Variants in PRKAB1 observed in about 807,000 individuals in gnomAD.
PRKAB1 encodes the protein protein kinase AMP-activated non-catalytic subunit beta 1.
Under a neutral mutation model 32.0 loss-of-function variants are expected in PRKAB1, and 18 were observed. That is an observed-to-expected ratio of 0.56 (90% CI 0.39 to 0.83). PRKAB1 has a LOEUF of 0.83. Among genes scored for constraint, PRKAB1 ranks in the 40% least tolerant of loss-of-function variants. PRKAB1 has a pLI of 0.00. For missense variants in PRKAB1, 263 were observed against 352.6 expected, an observed-to-expected ratio of 0.75 and a Z score of 2.03; for synonymous variants, 141 against 141.4, an observed-to-expected ratio of 1.00 and a Z score of 0.02.
rs1181973101 is a variant in PRKAB1 at position 119,679,730 on chromosome 12, C to A, written c.667-203C>A. The A allele has an allele frequency of 1.7e-6, 1 of 586,468 alleles. No homozygotes were observed. Among genetic ancestry groups the A allele is most frequent in the Non-Finnish European group, 3.1e-6 (1 of 322,868 alleles). The allele number at this position is 586,468 out of a possible 1,614,324, so 36.3% of individuals were successfully genotyped here. A position where few individuals can be genotyped will look rare whatever the true frequency, so the allele number is the denominator to read the frequency against. On this transcript the variant is annotated intron_variant, in intron 5 of 6. Transcript: ENST00000229328. The surrounding 1 kb of genome is among the most constrained non-coding windows in gnomAD (Gnocchi z 4.1). ...GACACACACCGATGCCTCCAGCAGG[C>A]ATGCAGGGAGCTCCCTTCAGGTCAG...
chr12:119,678,056 G>A, intron 5 of PRKAB1: 1 of 152,366 alleles, frequency 6.6e-6, no homozygotes, highest in Non-Finnish European at 1.5e-5. Context: ...GAACCACCGT[G>A]CCTGGCCAGG....
intron 1 of PRKAB1, among the ~76,000 whole-genome samples, chr12:119,669,204 T>C (rs1955365729): frequency 6.6e-6 from 1 of 152,022 alleles, no homozygotes; most frequent in Admixed American, 6.6e-5. Flanking sequence ...CAAGCAATCT[T>C]TATGCCTTGG....
chr12:119,677,297 G>A (rs1036799794), intron 5 of PRKAB1: 1 of 152,230 alleles, frequency 6.6e-6, no homozygotes, highest in Non-Finnish European at 1.5e-5. Flanking sequence ...CATTGTTTAC[G>A]AGGTGCTTAA....
Position 119,679,810 on chromosome 12 carries a change from T to G in PRKAB1, c.667-123T>G. On this transcript the variant is annotated intron_variant, in intron 5 of 6. Coordinates refer to ENST00000229328, the MANE Select transcript of PRKAB1 (RefSeq NM_006253.5). This position sits in a 1 kb window ranked among gnomAD's most constrained non-coding sequence, Gnocchi z 4.1. Reference sequence around the variant, plus strand: ...TTGGACAAGCCCTTGCGCTGCCTGATTTGGGAAGAGAGGTCGGCCTGAGCG... The same window carrying G: ...TTGGACAAGCCCTTGCGCTGCCTGAGTTGGGAAGAGAGGTCGGCCTGAGCG... 1 of 1,048,612 alleles carries G rather than the reference T, an allele frequency of 9.5e-7. No individual in the cohort carries two copies. Among genetic ancestry groups the G allele is most frequent in the Non-Finnish European group, 1.5e-6 (1 of 679,514 alleles). The allele number at this position is 1,048,612 out of a possible 1,614,324, so 65.0% of individuals were successfully genotyped here.
In PRKAB1 at chr12:119,679,875, G is replaced by A. The variant is rs1248575375; in HGVS notation, c.667-58G>A. On this transcript the variant is annotated intron_variant, in intron 5 of 6. Transcript: ENST00000229328. The surrounding 1 kb of genome is among the most constrained non-coding windows in gnomAD (Gnocchi z 4.1). ...TTGATATCTGGCACTGGGAAGTAAA[G>A]GGGAGAATCTTGGTTTCCAAATCCC... The A allele has an allele frequency of 1.9e-6, 3 of 1,552,786 alleles. No homozygotes were observed. The highest frequency in any genetic ancestry group is 2.7e-6 in the Non-Finnish European group (3 of 1,124,682).
chr12:119,673,346 T>G lies in PRKAB1; in HGVS notation c.324-618T>G, dbSNP rs189731000. Among the ~76,000 whole-genome samples, 11 of 152,336 alleles carry G rather than the reference T, an allele frequency of 7.2e-5. No individual in the cohort carries two copies. In the East Asian group the frequency reaches 2.1e-3, roughly 29 times the overall value. The stretch of plus-strand genomic sequence containing the variant: ...CTTAAGTTGTCAGTGAGAGAACACC[T>G]TTAGTGAGTATTCTTGATAAAATGA... On this transcript the variant is annotated intron_variant, in intron 2 of 6. Transcript: ENST00000229328.
Position 119,674,035 on chromosome 12 carries a change from A to G in PRKAB1, c.395A>G (p.Gln132Arg). Residue 132 changes from glutamine to arginine, a missense_variant, in exon 3 of 7, where the codon CAG (glutamine) becomes CGG (arginine). Coordinates refer to ENST00000229328, the MANE Select transcript of PRKAB1 (RefSeq NM_006253.5). The surrounding 1 kb of genome is among the most constrained non-coding windows in gnomAD (Gnocchi z 4.3). ...CAGTACAAGTTCTTTGTGGATGGTC[A>G]GTGGACGCACGACCCTTCCGAGGTA... ...EHQYKFFVDG[Q>R]WTHDPSEPIV... 6.2e-7 allele frequency: 1 copy of G among 1,613,930 alleles called. No homozygotes were observed. The highest frequency in any genetic ancestry group is 8.5e-7 in the Non-Finnish European group (1 of 1,179,880).
chr12:119,679,644 C>T lies in PRKAB1; in HGVS notation c.667-289C>T. On this transcript the variant is annotated intron_variant, in intron 5 of 6. Transcript: ENST00000229328. The surrounding 1 kb of genome is among the most constrained non-coding windows in gnomAD (Gnocchi z 4.1). ...AGCTGCTTTCTTCCTGCCCCACCCTCCATAAGAGGACAGGGCCGTGGCCCA... is the reference window on the plus strand; with the variant it reads ...AGCTGCTTTCTTCCTGCCCCACCCTTCATAAGAGGACAGGGCCGTGGCCCA... The T allele has an allele frequency of 9.1e-6, 4 of 439,042 alleles. No homozygotes were observed. The highest frequency in any genetic ancestry group is 6.4e-5 in the South Asian group (3 of 47,236). 27.2% of individuals were successfully genotyped at this position (439,042 alleles called of 1,614,324 possible).
At chr12:119,668,551 C>A in intron 1 of PRKAB1, 148 bp downstream of exon 1, 1 of 1,120,128 alleles carries the variant, frequency 8.9e-7, no homozygotes, top group Non-Finnish European at 1.3e-6. Context: ...CCAGATGGTC[C>A]TGTAAGAGTT....
At chr12:119,669,199 A>T (rs1955365678) in intron 1 of PRKAB1, among the ~76,000 whole-genome samples, 1 of 151,892 alleles carries the variant, frequency 6.6e-6, no homozygotes, top group Non-Finnish European at 1.5e-5. Context: ...GGGTTCAAGC[A>T]ATCTTTATGC....
Position 119,674,371 on chromosome 12 carries a change from A to G in PRKAB1, c.449A>G (p.Asn150Ser). 6.2e-7 allele frequency: 1 copy of G among 1,614,142 alleles called. No individual in the cohort carries two copies. Among genetic ancestry groups the G allele is most frequent in the Non-Finnish European group, 8.5e-7 (1 of 1,179,946 alleles). The part of the protein sequence containing the change: ...PIVTSQLGTV[N>S]NIIQVKKTDF... ...GTAACCAGCCAGCTTGGCACAGTTAACAACATCATTCAAGTGAAGAAAACT... is the reference window on the plus strand; with the variant it reads ...GTAACCAGCCAGCTTGGCACAGTTAGCAACATCATTCAAGTGAAGAAAACT... The change falls in exon 4 of 7, where the codon AAC (asparagine) becomes AGC (serine). Residue 150 changes from asparagine to serine, a missense_variant. Physicochemically the swap from Asn to Ser is conservative, Grantham distance 46. Coordinates refer to ENST00000229328, the MANE Select transcript of PRKAB1 (RefSeq NM_006253.5). The surrounding 1 kb of genome is among the most constrained non-coding windows in gnomAD (Gnocchi z 4.3).
chr12:119,674,938 C>T lies in PRKAB1; in HGVS notation c.532+484C>T, dbSNP rs556258441. ...CCTTTGGGGAGGATGCGGCTCCCCA[C>T]GGGAAACAGCCTGCACAGCCCAACT... On this transcript the variant is annotated intron_variant, in intron 4 of 6. Coordinates refer to ENST00000229328, the MANE Select transcript of PRKAB1 (RefSeq NM_006253.5). This position sits in a 1 kb window ranked among gnomAD's most constrained non-coding sequence, Gnocchi z 4.3. Among the ~76,000 whole-genome samples the T allele has an allele frequency of 3.3e-5, 5 of 152,214 alleles. No individual in the cohort carries two copies. The highest frequency in any genetic ancestry group is 4.8e-5 in the African/African-American group (2 of 41,458).
intron 5 of PRKAB1, chr12:119,678,735 C>T (rs143020848): frequency 3.3e-5 from 5 of 152,340 alleles, no homozygotes; most frequent in Non-Finnish European, 7.3e-5. Flanking sequence ...GTATCAGTAC[C>T]TCATTTCTTT....
chr12:119,680,160 G>A, intron 6 of PRKAB1, 88 bp from the exon 7 acceptor site: 6 of 1,503,480 alleles, frequency 4.0e-6, no homozygotes, highest in Non-Finnish European at 5.5e-6. Flanking sequence ...GGGAATTTGT[G>A]GTTTTATGAA....
At chr12:119,668,716 T>G (rs1368492273) in intron 1 of PRKAB1, among the ~76,000 whole-genome samples, 2 of 152,228 alleles carry the variant, frequency 1.3e-5, no homozygotes, top group Non-Finnish European at 2.9e-5. Context: ...TAACAGTAAT[T>G]GAGCCCCAGC....
Position 119,674,863 on chromosome 12 carries a change from C to T in PRKAB1, c.532+409C>T, listed in dbSNP as rs959745300. 3.9e-5 allele frequency among the ~76,000 whole-genome samples: 6 copies of T among 152,226 alleles called. No individual in the cohort carries two copies. The highest frequency in any genetic ancestry group is 7.3e-5 in the Non-Finnish European group (5 of 68,042). On this transcript the variant is annotated intron_variant, in intron 4 of 6. Coordinates refer to ENST00000229328, the MANE Select transcript of PRKAB1 (RefSeq NM_006253.5). This position sits in a 1 kb window ranked among gnomAD's most constrained non-coding sequence, Gnocchi z 4.3. ...GCCTGACAGGTGTAAATGGACACCT[C>T]AGTGACCTTAGCAGTCACTTATGTG... is the stretch of plus-strand genomic sequence containing the variant.
Position 119,680,447 on chromosome 12 carries a change from T to G in PRKAB1, c.*122T>G. The G allele has an allele frequency of 9.9e-7, 1 of 1,011,958 alleles. No individual in the cohort carries two copies. Among genetic ancestry groups the G allele is most frequent in the Non-Finnish European group, 1.5e-6 (1 of 674,510 alleles). 62.7% of individuals were successfully genotyped at this position (1,011,958 alleles called of 1,614,324 possible). On this transcript the variant is annotated 3_prime_UTR_variant, in exon 7 of 7. Coordinates refer to ENST00000229328, the MANE Select transcript of PRKAB1 (RefSeq NM_006253.5). ...TTCACACTCTTCAGAAGACATTTCATACCTGCCCTGGTCCTGCTTGAAGGT... is the reference window on the plus strand; with the variant it reads ...TTCACACTCTTCAGAAGACATTTCAGACCTGCCCTGGTCCTGCTTGAAGGT...
At chr12:119,670,867 A>G (rs187211551) in intron 1 of PRKAB1, among the ~76,000 whole-genome samples, 120 of 152,024 alleles carry the variant, frequency 7.9e-4, no homozygotes, top group Admixed American at 2.7e-3. Flanking sequence ...TTCAAAGAAT[A>G]CAGGCATCAT....
chr12:119,668,487 C>A (rs1955358067), intron 1 of PRKAB1, 84 bp downstream of exon 1: 2 of 1,519,072 alleles, frequency 1.3e-6, no homozygotes, highest in East Asian at 2.4e-5. Flanking sequence ...CACATCCTTT[C>A]GAAAAACACC....
Sources: gnomAD v4.1 joint callset for allele counts (sites outside exome capture counted in the v4.1 genomes callset) on GRCh38, gnomAD v4.1.1 for gene constraint, Gnocchi (gnomAD v3.1) non-coding constraint, MANE v1.5 for transcripts, NCBI Gene and HGNC (gene_info 2026-07-23, HGNC 2026-07-21) for gene names.